Variants in PPIP5K2 observed in about 807,000 individuals in gnomAD.
The protein encoded by PPIP5K2 is diphosphoinositol pentakisphosphate kinase 2, also known as inositol hexakisphosphate and diphosphoinositol-pentakisphosphate kinase 2.
A neutral mutation model predicts 154.6 loss-of-function variants in PPIP5K2; 105 were observed. The ratio of observed to expected loss-of-function variants is 0.68; its 90% CI spans 0.58 to 0.80. PPIP5K2 has a LOEUF of 0.80. PPIP5K2 is among the 30% of genes least tolerant of loss of function. The pLI is 0.00. For synonymous variants in PPIP5K2, 480 were observed against 490.3 expected (o/e 0.98, Z 0.28); for missense variants, 992 against 1,504.6 (o/e 0.66, Z 5.64).
chr5:103,136,759 A>G lies in PPIP5K2; in HGVS notation c.338A>G (p.Tyr113Cys), dbSNP rs1201279037. The change falls in exon 4 of 31, where the codon TAT becomes TGT. Residue 113 changes from tyrosine (Y) to cysteine (C), a missense_variant. Coordinates refer to ENST00000358359, the MANE Select transcript of PPIP5K2 (RefSeq NM_001276277.3). ...TTTCCACTGGACAAAGCGGTTGCCTATGCAAAACTCAGGAATCCATTTGTA... is the reference window on the plus strand; with the variant it reads ...TTTCCACTGGACAAAGCGGTTGCCTGTGCAAAACTCAGGAATCCATTTGTA... ...KGFPLDKAVA[Y>C]AKLRNPFVIN... 2 of 1,613,644 alleles carry G rather than the reference A, an allele frequency of 1.2e-6. No homozygotes were observed. Among genetic ancestry groups the G allele is most frequent in the South Asian group, 2.2e-5 (2 of 91,076 alleles).
intron 5 of PPIP5K2, among the ~76,000 whole-genome samples, chr5:103,141,044 A>T (rs1554206476): frequency 6.6e-6 from 1 of 151,738 alleles, no homozygotes; most frequent in African/African-American, 2.4e-5. Flanking sequence ...AAAATAAGAA[A>T]TCATCTGGGC....
Position 103,208,710 on chromosome 5 carries a change from G to GT in PPIP5K2, c.*7085dup, listed in dbSNP as rs781963202. The stretch of plus-strand genomic sequence containing the variant: ...TTTAGAGAAGGAACTAGTTGTTGTT[G>GT]TTTTTTTTTCCCTGTCTCAGATTAT... On this transcript the variant is annotated 3_prime_UTR_variant, in exon 31 of 31. Coordinates refer to ENST00000358359, the MANE Select transcript of PPIP5K2 (RefSeq NM_001276277.3). The GT allele has an allele frequency of 2.3e-4, 34 of 150,752 alleles. No individual in the cohort carries two copies. The highest frequency in any genetic ancestry group is 3.3e-4 in the Non-Finnish European group (22 of 67,660). The allele number at this position is 150,752 out of a possible 1,614,324, so 9.3% of individuals were successfully genotyped here.
intron 23 of PPIP5K2, among the ~76,000 whole-genome samples, chr5:103,179,060 A>AT (rs2149733690): frequency 6.6e-6 from 1 of 151,974 alleles, no homozygotes; most frequent in African/African-American, 2.4e-5. Context: ...AGTCATCTGG[A>AT]TTTTTTATGT....
At chr5:103,162,240 T>C (rs1011228474) in intron 17 of PPIP5K2, among the ~76,000 whole-genome samples, 1 of 152,136 alleles carries the variant, frequency 6.6e-6, no homozygotes, top group Non-Finnish European at 1.5e-5. Flanking sequence ...TTTTTCTTCT[T>C]GGATGGTAGA....
At chr5:103,139,807 A>G (rs1675109906) in intron 5 of PPIP5K2, among the ~76,000 whole-genome samples, 3 of 152,250 alleles carry the variant, frequency 2.0e-5, no homozygotes, top group Admixed American at 2.0e-4. Context: ...TCAGAATTGT[A>G]TCATGAGAAA....
Position 103,201,524 on chromosome 5 carries a change from A to G in PPIP5K2, c.3622A>G (p.Thr1208Ala), listed in dbSNP as rs782395095. 5.1e-6 allele frequency: 8 copies of G among 1,565,936 alleles called. No homozygotes were observed. Among genetic ancestry groups the G allele is most frequent in the African/African-American group, 2.8e-5 (2 of 71,392 alleles). ...TTTTTTGTTTTTGTTTTATGTAGCT[A>G]CAAGTGGACCTTCTAGTGCAGTTGT... The part of the protein sequence containing the change: ...KSTKASSKPA[T>A]SGPSSAVVPN... Residue 1208 changes from threonine to alanine, a missense_variant and splice_region_variant, in exon 31 of 31, where the codon ACA becomes GCA. By Grantham distance (58) the Thr-to-Ala change is moderately conservative (BLOSUM62 0). Around this residue, in one of 9 missense-constraint regions of PPIP5K2, gnomAD observed 131 missense variants for 117.8 expected, o/e 1.11. Transcript: ENST00000358359.
At position 103,129,512 on chromosome 5, in the gene PPIP5K2, C is replaced by A; in HGVS notation, c.-78C>A. 1 of 1,211,626 alleles carries A rather than the reference C, an allele frequency of 8.3e-7. No homozygotes were observed. Among genetic ancestry groups the A allele is most frequent in the Non-Finnish European group, 1.1e-6 (1 of 898,102 alleles). The allele number at this position is 1,211,626 out of a possible 1,614,324, so 75.1% of individuals were successfully genotyped here. The stretch of plus-strand genomic sequence containing the variant: ...TGCGTCAGCTAATATATGGAGAATG[C>A]TTTCTTCTGATACTATTTACTTAGA... On this transcript the variant is annotated 5_prime_UTR_variant, in exon 2 of 31. Transcript: ENST00000358359.
Position 103,129,684 on chromosome 5 carries a change from A to G in PPIP5K2, c.95A>G (p.Asp32Gly). ...RHFFHHADED[D>G]EEEDDSPPER... ...TTCTTCCACCATGCAGATGAAGACG[A>G]TGAGGAGGAAGATGATTCTGTAAGT... The change falls in exon 2 of 31, where the codon GAT (aspartate) becomes GGT (glycine). Residue 32 changes from aspartate to glycine, a missense_variant. By Grantham distance (94) the Asp-to-Gly change is moderately conservative (BLOSUM62 -1). Coordinates refer to ENST00000358359, the MANE Select transcript of PPIP5K2 (RefSeq NM_001276277.3). The G allele has an allele frequency of 6.2e-7, 1 of 1,606,932 alleles. No homozygotes were observed. The highest frequency in any genetic ancestry group is 8.5e-7 in the Non-Finnish European group (1 of 1,177,558).
intron 5 of PPIP5K2, among the ~76,000 whole-genome samples, chr5:103,139,529 A>G (rs868970747): frequency 2.6e-5 from 4 of 152,300 alleles, no homozygotes; most frequent in Middle Eastern, 3.4e-3. Context: ...TCTTTTTTGA[A>G]TATGTGGAAA....
chr5:103,178,571 T>C (rs1226002042), intron 23 of PPIP5K2, among the ~76,000 whole-genome samples: 1 of 151,516 alleles, frequency 6.6e-6, no homozygotes, highest in East Asian at 1.9e-4. Context: ...ATATTTCATG[T>C]TTCATGCATT....
intron 13 of PPIP5K2, among the ~76,000 whole-genome samples, chr5:103,155,444 T>TTTTTTA (rs1795272918): frequency 7.8e-6 from 1 of 128,234 alleles, no homozygotes; most frequent in Non-Finnish European, 1.6e-5. Flanking sequence ...TTTTTTTTTT[T>TTTTTTA]GAGACAGGGT....
In PPIP5K2 at chr5:103,211,807, C is replaced by A. The variant is rs1554232597; in HGVS notation, c.*10173C>A. The A allele has an allele frequency of 6.6e-6, 1 of 152,014 alleles. No homozygotes were observed. The highest frequency in any genetic ancestry group is 1.5e-5 in the Non-Finnish European group (1 of 67,958). The allele number at this position is 152,014 out of a possible 1,614,324, so 9.4% of individuals were successfully genotyped here. ...ACTTTCTAATGAGGAACCAAGTGCT[C>A]AAAAGCAGTCATAAAGTTCATGGCA... is the stretch of plus-strand genomic sequence containing the variant. On this transcript the variant is annotated 3_prime_UTR_variant, in exon 31 of 31. Transcript: ENST00000358359.
At chr5:103,141,690 C>G (rs1051500247) in intron 5 of PPIP5K2, among the ~76,000 whole-genome samples, 2 of 151,898 alleles carry the variant, frequency 1.3e-5, no homozygotes, top group Non-Finnish European at 1.5e-5. Flanking sequence ...TGCAGAGTGT[C>G]GATTGGTGCA....
intron 5 of PPIP5K2, among the ~76,000 whole-genome samples, chr5:103,143,545 C>A (rs1793212266): frequency 6.6e-6 from 1 of 152,158 alleles, no homozygotes; most frequent in Non-Finnish European, 1.5e-5. Context: ...ATGGAAACCT[C>A]AGAAAACAAA....
intron 28 of PPIP5K2, chr5:103,189,308 A>G (rs1280590658): frequency 2.1e-5 from 24 of 1,128,502 alleles, no homozygotes; most frequent in Non-Finnish European, 2.8e-5. Flanking sequence ...GCATTAAAGG[A>G]AAAGTTTATT....
At chr5:103,178,060 G>A (rs1798974838) in intron 23 of PPIP5K2, 80 bp downstream of exon 23, 2 of 891,708 alleles carry the variant, frequency 2.2e-6, no homozygotes, top group African/African-American at 1.7e-5. Flanking sequence ...TTTTTATAAT[G>A]TACTATAAAT....
rs180774517 is a variant in PPIP5K2 at position 103,130,428 on chromosome 5, C to G, written c.114+725C>G. On this transcript the variant is annotated intron_variant, in intron 2 of 30. Transcript: ENST00000358359. The stretch of plus-strand genomic sequence containing the variant: ...GTATGTGTTTGTTTTTCATATATTT[C>G]TAATTGGAAAGAGAATTTAGTTTTA... Among the ~76,000 whole-genome samples the G allele has an allele frequency of 2.0e-3, 307 of 152,078 alleles. 2 individuals carry two copies. The highest frequency in any genetic ancestry group is 3.4e-3 in the Middle Eastern group (1 of 294).
rs1803725778 is a variant in PPIP5K2 at position 103,210,126 on chromosome 5, A to G, written c.*8492A>G. 1 of 152,212 alleles carries G rather than the reference A, an allele frequency of 6.6e-6. No homozygotes were observed. Among genetic ancestry groups the G allele is most frequent in the South Asian group, 2.1e-4 (1 of 4,838 alleles). The allele number at this position is 152,212 out of a possible 1,614,324, so 9.4% of individuals were successfully genotyped here. A position where few individuals can be genotyped will look rare whatever the true frequency, so the allele number is the denominator to read the frequency against. On this transcript the variant is annotated 3_prime_UTR_variant, in exon 31 of 31. Coordinates refer to ENST00000358359, the MANE Select transcript of PPIP5K2 (RefSeq NM_001276277.3). ...GCCACAAAGAGAGAATCAATGAGCCACACTCATATTGGAAGCGAATGGAGT... is the reference window on the plus strand; with the variant it reads ...GCCACAAAGAGAGAATCAATGAGCCGCACTCATATTGGAAGCGAATGGAGT...
chr5:103,139,463 C>T (rs549673450), intron 5 of PPIP5K2, among the ~76,000 whole-genome samples: 209 of 152,282 alleles, frequency 1.4e-3, no homozygotes, highest in African/African-American at 4.8e-3. Context: ...GGACTTAGGG[C>T]GCCCCCTAGT....
Sources: gnomAD v4.1 joint callset for allele counts (sites outside exome capture counted in the v4.1 genomes callset) on GRCh38, gnomAD v4.1.1 for gene constraint, gnomAD v4.1.1 regional missense constraint, MANE v1.5 for transcripts, NCBI Gene and HGNC (gene_info 2026-07-23, HGNC 2026-07-21) for gene names.